MTREX: variants seen among roughly 807,000 people sequenced by gnomAD.
MTREX encodes the protein exosome RNA helicase MTR4.
MTREX carries 76 observed loss-of-function variants against 135.4 expected under a neutral mutation model. That is an observed-to-expected ratio of 0.56 (90% CI 0.47 to 0.68). The LOEUF is 0.68. MTREX is among the 30% of genes least tolerant of loss of function. The pLI is 0.00. For synonymous variants in MTREX, 404 were observed against 401.6 expected (o/e 1.01, Z -0.07); for missense variants, 920 against 1,262.1 (o/e 0.73, Z 4.11).
At chr5:55,418,464 T>G (rs1267309706) in intron 25 of MTREX, among the ~76,000 whole-genome samples, 1 of 148,302 alleles carries the variant, frequency 6.7e-6, no homozygotes, top group Non-Finnish European at 1.5e-5. Context: ...TGAGTTGACT[T>G]TTTCCACAGC....
intron 1 of MTREX, among the ~76,000 whole-genome samples, chr5:55,320,099 A>T (rs1406602183): frequency 1.3e-5 from 2 of 152,160 alleles, no homozygotes; most frequent in African/African-American, 4.8e-5. Flanking sequence ...CTTTTTCGCA[A>T]AATTGGGAGT....
intron 18 of MTREX, among the ~76,000 whole-genome samples, chr5:55,381,574 G>A (rs2112102413): frequency 6.6e-6 from 1 of 152,070 alleles, no homozygotes; most frequent in South Asian, 2.1e-4. Flanking sequence ...CCAAATTTTT[G>A]TCTTTATTAT....
At chr5:55,415,609 C>G (rs183612993) in intron 24 of MTREX, among the ~76,000 whole-genome samples, 31 of 152,260 alleles carry the variant, frequency 2.0e-4, no homozygotes, top group African/African-American at 7.5e-4. Context: ...GTATTTTGCT[C>G]TAGGATTTGT....
intron 19 of MTREX, among the ~76,000 whole-genome samples, chr5:55,396,246 C>A (rs534682854): frequency 2.8e-4 from 42 of 152,216 alleles, no homozygotes; most frequent in African/African-American, 9.9e-4. Flanking sequence ...ACCACTAAAT[C>A]CAGTTTATGA....
chr5:55,354,467 T>C (rs1344158385), intron 14 of MTREX, among the ~76,000 whole-genome samples: 1 of 152,226 alleles, frequency 6.6e-6, no homozygotes, highest in Non-Finnish European at 1.5e-5. Context: ...AATTGGTGAT[T>C]CTCTCTGCTT....
rs572621141 is a variant in MTREX at position 55,402,320 on chromosome 5, A to C, written c.2481+1899A>C. ...TTACTTACACAGATATCCAGTTGTG[A>C]TTCTCACCTGTTCATCTCTTAACCA... On this transcript the variant is annotated intron_variant, in intron 21 of 26. Transcript: ENST00000230640. 1.1e-4 allele frequency among the ~76,000 whole-genome samples: 17 copies of C among 152,296 alleles called. 1 individual carries two copies. In the South Asian group the frequency reaches 3.5e-3, roughly 32 times the overall value.
At chr5:55,399,996 G>T (rs1472955518) in intron 20 of MTREX, among the ~76,000 whole-genome samples, 1 of 152,132 alleles carries the variant, frequency 6.6e-6, no homozygotes. Context: ...ATTGTGACTT[G>T]TAGATTTATT....
At chr5:55,364,832 A>G (rs1027730510) in intron 15 of MTREX, among the ~76,000 whole-genome samples, 1 of 152,248 alleles carries the variant, frequency 6.6e-6, no homozygotes, top group East Asian at 1.9e-4. Context: ...CTGGAATTTA[A>G]ATGAGTAACT....
chr5:55,416,160 T>A, intron 25 of MTREX, 28 bp downstream of exon 25: 1 of 1,444,916 alleles, frequency 6.9e-7, no homozygotes, highest in Non-Finnish European at 9.4e-7. Context: ...ACATATATAT[T>A]TACAGTATAA....
At chr5:55,391,938 C>G (rs1750573717) in intron 19 of MTREX, among the ~76,000 whole-genome samples, 1 of 152,172 alleles carries the variant, frequency 6.6e-6, no homozygotes, top group African/African-American at 2.4e-5. Context: ...CCTAATCCTC[C>G]TTGCTTGGCA....
rs541731000 is a variant in MTREX at position 55,395,974 on chromosome 5, A to G, written c.2182-1442A>G. Among the ~76,000 whole-genome samples the G allele has an allele frequency of 9.2e-5, 14 of 152,340 alleles. No homozygotes were observed. The South Asian group carries it at 2.9e-3, about 32-fold the overall frequency. On this transcript the variant is annotated intron_variant, in intron 19 of 26. Transcript: ENST00000230640. ...TATTGTGAAAGAGGACGAAATCTTA[A>G]TATGGACTACAGATTAGATGATATC...
At position 55,341,738 on chromosome 5, in the gene MTREX, A is replaced by C; in HGVS notation, c.748A>C (p.Ile250Leu). 1 of 1,585,030 alleles carries C rather than the reference A, an allele frequency of 6.3e-7. No homozygotes were observed. Among genetic ancestry groups the C allele is most frequent in the Non-Finnish European group, 8.7e-7 (1 of 1,156,064 alleles). Residue 250 changes from isoleucine to leucine, a missense_variant, in exon 7 of 27, where the codon ATA (isoleucine) becomes CTA (leucine). Physicochemically the swap from Ile to Leu is conservative, Grantham distance 5. This residue lies in a region of MTREX where 88 missense variants were observed against 202.5 expected (regional missense o/e 0.43). Coordinates refer to ENST00000230640, the MANE Select transcript of MTREX (RefSeq NM_015360.5). Reference sequence around the variant, plus strand: ...AGTTATGAGAGAAGTTGCTTGGGTTATATTTGATGAAATTCATTATATGAG... The same window carrying C: ...AGTTATGAGAGAAGTTGCTTGGGTTCTATTTGATGAAATTCATTATATGAG... ...SEVMREVAWVIFDEIHYMRDS... is the reference protein window; with the variant it reads ...SEVMREVAWVLFDEIHYMRDS...
intron 25 of MTREX, among the ~76,000 whole-genome samples, chr5:55,418,450 C>T (rs1579905539): frequency 6.8e-6 from 1 of 146,684 alleles, no homozygotes; most frequent in East Asian, 2.0e-4. Flanking sequence ...CTAGATGCCA[C>T]CTATGAGTTG....
chr5:55,355,032 C>T (rs369180536), intron 14 of MTREX, among the ~76,000 whole-genome samples: 11 of 152,156 alleles, frequency 7.2e-5, no homozygotes, highest in African/African-American at 2.7e-4. Flanking sequence ...CCCAGCCACC[C>T]AGGGTTCAGA....
chr5:55,378,825 A>G (rs1750348076), intron 17 of MTREX, among the ~76,000 whole-genome samples: 2 of 152,194 alleles, frequency 1.3e-5, no homozygotes, highest in South Asian at 4.1e-4. Context: ...TAAGTTCTGG[A>G]TGAATTCATT....
rs373470325 is a variant in MTREX, at chr5:55,358,824, G to A, written c.1659+126G>A. On this transcript the variant is annotated intron_variant, in intron 15 of 26. Transcript: ENST00000230640. Reference sequence around the variant, plus strand: ...GAGTTAATATACTGAAACTATCTGGGCTTGGGAAGATGGAAGGGTGTGATT... The same window carrying A: ...GAGTTAATATACTGAAACTATCTGGACTTGGGAAGATGGAAGGGTGTGATT... 35 of 723,924 alleles carry A rather than the reference G, an allele frequency of 4.8e-5. 1 individual carries two copies. The highest frequency in any genetic ancestry group is 3.2e-4 in the East Asian group (10 of 31,278). The allele number at this position is 723,924 out of a possible 1,614,324, so 44.8% of individuals were successfully genotyped here. A position where few individuals can be genotyped will look rare whatever the true frequency, so the allele number is the denominator to read the frequency against.
intron 15 of MTREX, among the ~76,000 whole-genome samples, chr5:55,364,757 G>C (rs1241919005): frequency 3.9e-5 from 6 of 152,120 alleles, no homozygotes; most frequent in Non-Finnish European, 7.4e-5. Context: ...AAGACAAATT[G>C]AGTAAATAGT....
intron 14 of MTREX, 82 bp from the exon 15 acceptor site, chr5:55,358,491 A>C: frequency 8.2e-7 from 1 of 1,217,696 alleles, no homozygotes; most frequent in Non-Finnish European, 1.1e-6. Context: ...CTTGTTATAA[A>C]TTTTATAAAA....
At chr5:55,401,691 C>T (rs967974523) in intron 21 of MTREX, among the ~76,000 whole-genome samples, 6 of 152,302 alleles carry the variant, frequency 3.9e-5, no homozygotes, top group East Asian at 1.9e-4. Context: ...ATCTTAATAG[C>T]GTCAAATGTT....
Sources: allele counts gnomAD v4.1 joint callset (sites outside exome capture counted in the v4.1 genomes callset), GRCh38; gene constraint gnomAD v4.1.1; regional missense constraint gnomAD v4.1.1; transcripts MANE v1.5; gene names NCBI Gene and HGNC (gene_info 2026-07-23, HGNC 2026-07-21).